WWC1: variants seen among roughly 807,000 people sequenced by gnomAD.
WWC1 encodes WW and C2 domain containing 1.
Under a neutral mutation model 138.4 loss-of-function variants are expected in WWC1, and 55 were observed. The ratio of observed to expected loss-of-function variants is 0.40; its 90% confidence interval spans 0.32 to 0.50. WWC1 has a LOEUF of 0.50. Among genes scored for constraint, WWC1 ranks in the 20% least tolerant of loss-of-function variants. The probability of loss-of-function intolerance (pLI) is 0.72; values close to 1 mark genes in which losing one functional copy is unlikely to be tolerated. For missense variants in WWC1, 1,226 were observed against 1,420.4 expected (o/e 0.86, Z 2.20); for synonymous variants, 524 against 564.9 (o/e 0.93, Z 1.03).
intron 18 of WWC1, 28 bp downstream of exon 18, chr5:168,454,128 C>T: frequency 5.0e-6 from 8 of 1,604,838 alleles, no homozygotes; most frequent in Non-Finnish European, 6.8e-6. Context: ...GATAGAAGGG[C>T]TGTCGTGGGG....
At chr5:168,311,104 C>T (rs1336507449) in intron 1 of WWC1, among the ~76,000 whole-genome samples, 1 of 152,102 alleles carries the variant, frequency 6.6e-6, no homozygotes, top group Non-Finnish European at 1.5e-5. Context: ...CCAAGCATGC[C>T]CTACACTTTG....
At chr5:168,296,369 A>C (rs1192854071) in intron 1 of WWC1, among the ~76,000 whole-genome samples, 1 of 152,174 alleles carries the variant, frequency 6.6e-6, no homozygotes, top group Non-Finnish European at 1.5e-5. Flanking sequence ...TCTTTTGCTA[A>C]CCCTGTTATT....
At chr5:168,447,474 G>A (rs916149960) in intron 17 of WWC1, among the ~76,000 whole-genome samples, 11 of 152,272 alleles carry the variant, frequency 7.2e-5, no homozygotes, top group South Asian at 2.1e-4. Flanking sequence ...CCACTGAAAC[G>A]TCATTTATGG....
intron 16 of WWC1, among the ~76,000 whole-genome samples, chr5:168,442,827 A>C (rs961628762): frequency 6.7e-6 from 1 of 148,460 alleles, no homozygotes; most frequent in Non-Finnish European, 1.5e-5. Flanking sequence ...GCAGAGCAAG[A>C]CTCCATCTCA....
At chr5:168,406,944 A>T (rs1779843283) in intron 6 of WWC1, among the ~76,000 whole-genome samples, 2 of 151,562 alleles carry the variant, frequency 1.3e-5, no homozygotes, top group African/African-American at 2.4e-5. Context: ...TCTGTCTCAA[A>T]AAATAAATAA....
intron 1 of WWC1, among the ~76,000 whole-genome samples, chr5:168,342,867 C>T (rs1417263824): frequency 1.3e-5 from 2 of 152,130 alleles, no homozygotes; most frequent in Non-Finnish European, 2.9e-5. Flanking sequence ...AGTGGGGGCC[C>T]CTCAAGCTGT....
intron 11 of WWC1, 42 bp downstream of exon 11, chr5:168,424,110 G>A (rs764977645): frequency 6.5e-7 from 1 of 1,542,858 alleles, no homozygotes; most frequent in Non-Finnish European, 8.7e-7. Flanking sequence ...CAGGAGGAGG[G>A]AAAGAGATAC....
intron 16 of WWC1, among the ~76,000 whole-genome samples, chr5:168,443,308 C>T (rs1390482292): frequency 1.3e-5 from 2 of 152,108 alleles, no homozygotes; most frequent in Non-Finnish European, 2.9e-5. Flanking sequence ...TCCTTTCCCT[C>T]CCATCCCCAC....
Position 168,471,989 on chromosome 5 carries a change from A to C in WWC1, c.*2972A>C, listed in dbSNP as rs150329647. The C allele has an allele frequency of 6.6e-6, 1 of 152,288 alleles. No individual in the cohort carries two copies. Among genetic ancestry groups the C allele is most frequent in the Admixed American group, 6.5e-5 (1 of 15,290 alleles). 9.4% of individuals were successfully genotyped at this position (152,288 alleles called of 1,614,324 possible). ...CTCAGTGACACATTCATCTGTGCTC[A>C]GTTGTCCCAGCAAGGGTCAGCCCCT... On this transcript the variant is annotated 3_prime_UTR_variant, in exon 23 of 23. Coordinates refer to ENST00000265293, the MANE Select transcript of WWC1 (RefSeq NM_015238.3).
chr5:168,358,694 C>T lies in WWC1; in HGVS notation c.120-12730C>T, dbSNP rs185999338. On this transcript the variant is annotated intron_variant, in intron 1 of 22. Coordinates refer to ENST00000265293, the MANE Select transcript of WWC1 (RefSeq NM_015238.3). The stretch of plus-strand genomic sequence containing the variant: ...AAGCTAATATGTTGCATTGAATTGA[C>T]GATTTTCTTTTTTCTTACAACTTTA... Among the ~76,000 whole-genome samples, 184 of 152,090 alleles carry T rather than the reference C, an allele frequency of 1.2e-3. 1 individual carries two copies. Among genetic ancestry groups the T allele is most frequent in the African/African-American group, 4.0e-3 (164 of 41,470 alleles).
chr5:168,458,751 AT>A (rs113271662), intron 19 of WWC1, among the ~76,000 whole-genome samples: 80 of 152,332 alleles, frequency 5.3e-4, no homozygotes, highest in African/African-American at 1.7e-3. Flanking sequence ...AGGTGACAAC[AT>A]TCTCTACCAT....
chr5:168,428,270 T>G (rs1781669222), intron 12 of WWC1, 129 bp downstream of exon 12: 4 of 839,556 alleles, frequency 4.8e-6, no homozygotes, highest in Non-Finnish European at 7.4e-6. Context: ...CAAGAGGGCA[T>G]GACCCCACCT....
rs531842941 is a variant in WWC1 at position 168,461,825 on chromosome 5, C to T, written c.2916+1083C>T. 3.3e-5 allele frequency among the ~76,000 whole-genome samples: 5 copies of T among 152,042 alleles called. No homozygotes were observed. In the East Asian group the frequency reaches 7.7e-4, roughly 24 times the overall value. ...CTGTAATCCCAGCACTTTGGGAGGCCGAGGCAGGTGGATCACCTGAGGTCA... is the reference window on the plus strand; with the variant it reads ...CTGTAATCCCAGCACTTTGGGAGGCTGAGGCAGGTGGATCACCTGAGGTCA... On this transcript the variant is annotated intron_variant, in intron 20 of 22. Coordinates refer to ENST00000265293, the MANE Select transcript of WWC1 (RefSeq NM_015238.3).
intron 8 of WWC1, among the ~76,000 whole-genome samples, chr5:168,410,931 C>CTT (rs1354123052): frequency 0.031 from 3,520 of 114,290 alleles, 140 homozygotes; most frequent in African/African-American, 0.058. Context: ...ATGATCTTTG[C>CTT]TTTTTTTTTT....
intron 22 of WWC1, among the ~76,000 whole-genome samples, 199 bp from the exon 23 acceptor site, chr5:168,468,752 C>T (rs553909763): frequency 6.6e-6 from 1 of 152,296 alleles, no homozygotes; most frequent in Middle Eastern, 3.4e-3. Flanking sequence ...GAACATTTGG[C>T]AATGAGCTTA....
intron 1 of WWC1, among the ~76,000 whole-genome samples, chr5:168,324,799 A>G (rs544654698): frequency 2.8e-4 from 42 of 152,256 alleles, no homozygotes; most frequent in Non-Finnish European, 4.1e-4. Context: ...TTCACTTTAA[A>G]TATAAATACA....
intron 17 of WWC1, among the ~76,000 whole-genome samples, chr5:168,447,582 G>A (rs1028275546): frequency 3.3e-5 from 5 of 151,886 alleles, no homozygotes; most frequent in African/African-American, 1.2e-4. Flanking sequence ...AACCATTCAT[G>A]GCTTAGACTG....
At position 168,441,660 on chromosome 5, in the gene WWC1, T is replaced by C. The variant is rs563377798; in HGVS notation, c.2281-22T>C. The C allele has an allele frequency of 2.5e-6, 4 of 1,611,268 alleles. No individual in the cohort carries two copies. The South Asian group carries it at 3.3e-5, about 13-fold the overall frequency. On this transcript the variant is annotated intron_variant, in intron 15 of 22. Transcript: ENST00000265293. ...GTCCCCCCCACCGCCACTTATGTTC[T>C]CCTTGTTTCCATCCCCAACAGGGAG...
rs552577664 is a variant in WWC1 at position 168,428,635 on chromosome 5, G to A, written c.1920-72G>A. ...AACCCCAACTTTCCTTCCTGGGGATGTAACCTCAGCCTCCCAGAATAGTTT... is the reference window on the plus strand; with the variant it reads ...AACCCCAACTTTCCTTCCTGGGGATATAACCTCAGCCTCCCAGAATAGTTT... On this transcript the variant is annotated intron_variant, in intron 12 of 22. Transcript: ENST00000265293. The A allele has an allele frequency of 1.6e-4, 241 of 1,485,400 alleles. 1 individual carries two copies. The South Asian group carries it at 2.6e-3, about 16-fold the overall frequency. The allele number at this position is 1,485,400 out of a possible 1,614,324, so 92.0% of individuals were successfully genotyped here.
Sources: gnomAD v4.1 joint callset for allele counts (sites outside exome capture counted in the v4.1 genomes callset) on GRCh38, gnomAD v4.1.1 for gene constraint, MANE v1.5 for transcripts, NCBI Gene and HGNC (gene_info 2026-07-23, HGNC 2026-07-21) for gene names.